The following ARHGAP21 variants were observed in gnomAD, a reference collection of about 807,000 sequenced individuals.
ARHGAP21 encodes the protein rho GTPase-activating protein 21.
ARHGAP21 carries 38 observed loss-of-function variants against 164.6 expected under a neutral mutation model. The observed-to-expected ratio is 0.23, with a 90% CI of 0.18 to 0.30. ARHGAP21 has a LOEUF of 0.30. ARHGAP21 is among the 10% of genes least tolerant of loss of function. The probability of loss-of-function intolerance (pLI) is 1.00; values close to 1 mark genes in which losing one functional copy is unlikely to be tolerated. For missense variants in ARHGAP21, 1,822 were observed against 2,370.7 expected (o/e 0.77, Z 4.81); for synonymous variants, 766 against 857.9 (o/e 0.89, Z 1.87).
intron 6 of ARHGAP21, 140 bp from the exon 7 acceptor site, chr10:24,630,190 C>T (rs988435472): frequency 1.1e-5 from 5 of 475,104 alleles, no homozygotes; most frequent in Admixed American, 4.0e-5. Context: ...TTTTTAAAAT[C>T]AAATCATTAG....
At chr10:24,696,514 T>C (rs1277609003) in intron 2 of ARHGAP21, among the ~76,000 whole-genome samples, 2 of 152,088 alleles carry the variant, frequency 1.3e-5, no homozygotes, top group Non-Finnish European at 2.9e-5. Context: ...TGTGCCTCTG[T>C]AGTGGGGCAG....
In ARHGAP21 at chr10:24,620,205, C is replaced by T. The variant is rs755102609; in HGVS notation, c.1690G>A (p.Val564Ile). ...RGSNFTVAPS[V>I]VNSDNRRMSG... The stretch of plus-strand genomic sequence containing the variant: ...ATTCGCCTGTTATCAGAATTAACAA[C>T]GCTTGGAGCCACAGTAAAATTGGAA... Residue 564 changes from valine (V) to isoleucine (I), a missense_variant, in exon 9 of 26, where the codon GTT becomes ATT. Physicochemically the swap from Val to Ile is conservative, Grantham distance 29. Transcript: ENST00000396432. 2.0e-5 allele frequency: 33 copies of T among 1,613,828 alleles called. 1 individual carries two copies. Among genetic ancestry groups the T allele is most frequent in the East Asian group, 8.9e-5 (4 of 44,892 alleles).
intron 4 of ARHGAP21, among the ~76,000 whole-genome samples, chr10:24,644,926 T>C (rs969116527): frequency 1.3e-5 from 2 of 152,210 alleles, no homozygotes; most frequent in African/African-American, 4.8e-5. Flanking sequence ...AATTTTCAGC[T>C]AGATACTGAA....
intron 12 of ARHGAP21, among the ~76,000 whole-genome samples, chr10:24,603,897 G>C (rs995128504): frequency 2.0e-5 from 3 of 152,168 alleles, no homozygotes; most frequent in Non-Finnish European, 4.4e-5. Flanking sequence ...TTGGGAGGCT[G>C]AGGCAGGAGA....
chr10:24,602,873 G>C (rs1261647806), intron 12 of ARHGAP21, among the ~76,000 whole-genome samples: 1 of 152,156 alleles, frequency 6.6e-6, no homozygotes, highest in Non-Finnish European at 1.5e-5. Context: ...TGATATGGGG[G>C]AAAGTGAAAA....
intron 4 of ARHGAP21, among the ~76,000 whole-genome samples, chr10:24,636,531 A>G (rs1836403530): frequency 6.6e-6 from 1 of 152,256 alleles, no homozygotes; most frequent in Admixed American, 6.5e-5. Flanking sequence ...ACTACTTGTT[A>G]AACAGCAATA....
rs199626057 is a variant in ARHGAP21, at chr10:24,608,274, T to TATC, written c.2423-374_2423-372dup. The stretch of plus-strand genomic sequence containing the variant: ...TTCAAATTTTAAATGTACCACAGAT[T>TATC]ATCACTTCAGGAAATTAAGGTGATT... On this transcript the variant is annotated intron_variant, in intron 9 of 25. Transcript: ENST00000396432. Among the ~76,000 whole-genome samples the TATC allele has an allele frequency of 9.2e-4, 140 of 152,298 alleles. 4 individuals are homozygous for TATC. The East Asian group carries it at 0.023, about 25-fold the overall frequency.
In ARHGAP21 at chr10:24,670,382, C is replaced by T. The variant is rs1330006261; in HGVS notation, c.79G>A (p.Asp27Asn). ...LKACEVSKNK[D>N]GKEQSETVSL... ...ACAGTTTCACTTTGTTCTTTTCCAT[C>T]TTTATTTTTTGAGACCTAAAGTGAA... The change falls in exon 3 of 26, where the codon GAT (aspartate) becomes AAT (asparagine). Residue 27 changes from aspartate to asparagine, a missense_variant. By Grantham distance (23) the Asp-to-Asn change is conservative. This residue lies in a region of ARHGAP21 where 1,090 missense variants were observed against 1,378.9 expected (regional missense o/e 0.79). Coordinates refer to ENST00000396432, the MANE Select transcript of ARHGAP21 (RefSeq NM_020824.4). 6.3e-7 allele frequency: 1 copy of T among 1,591,102 alleles called. No individual in the cohort carries two copies. Among genetic ancestry groups the T allele is most frequent in the African/African-American group, 1.3e-5 (1 of 74,236 alleles).
chr10:24,718,879 G>T (rs1845647797), intron 2 of ARHGAP21, among the ~76,000 whole-genome samples: 1 of 151,844 alleles, frequency 6.6e-6, no homozygotes, highest in South Asian at 2.1e-4. Flanking sequence ...GATAAAAAAT[G>T]AAATAAATGT....
In ARHGAP21 at chr10:24,607,405, CAT is replaced by C. The variant is rs1393940530; in HGVS notation, c.2684+92_2684+93del. 4.8e-6 allele frequency: 5 copies of C among 1,034,774 alleles called. No homozygotes were observed. In the African/African-American group the frequency reaches 8.1e-5, roughly 17 times the overall value. 64.1% of individuals were successfully genotyped at this position (1,034,774 alleles called of 1,614,324 possible). A position where few individuals can be genotyped will look rare whatever the true frequency, so the allele number is the denominator to read the frequency against. ...CATTTCTAATGTCAAAGTTAGAAAA[CAT>C]AAGACATCATTAAATTCTGAACTTA... On this transcript the variant is annotated intron_variant, in intron 11 of 25. Transcript: ENST00000396432.
chr10:24,704,289 CTT>C (rs201080039), intron 2 of ARHGAP21, among the ~76,000 whole-genome samples: 17 of 125,946 alleles, frequency 1.3e-4, no homozygotes, highest in East Asian at 2.2e-4. Context: ...TTTTTCTTTT[CTT>C]TTTTTTTTTT....
At chr10:24,618,268 G>A (rs888716112) in intron 9 of ARHGAP21, among the ~76,000 whole-genome samples, 16 of 152,156 alleles carry the variant, frequency 1.1e-4, no homozygotes, top group Non-Finnish European at 2.1e-4. Flanking sequence ...TACTTACTGA[G>A]TGAATTCTTT....
chr10:24,648,314 C>T (rs1466092676), intron 4 of ARHGAP21, among the ~76,000 whole-genome samples: 2 of 152,194 alleles, frequency 1.3e-5, no homozygotes, highest in Non-Finnish European at 2.9e-5. Flanking sequence ...TAGAATTTTC[C>T]AGTAGAGAAT....
At chr10:24,714,907 G>A (rs1470903916) in intron 2 of ARHGAP21, among the ~76,000 whole-genome samples, 1 of 151,914 alleles carries the variant, frequency 6.6e-6, no homozygotes, top group Non-Finnish European at 1.5e-5. Context: ...GCGGGCGCCT[G>A]TAGTCCCAGC....
chr10:24,607,437 T>G (rs2077074694), intron 11 of ARHGAP21, 62 bp downstream of exon 11: 5 of 1,371,492 alleles, frequency 3.6e-6, no homozygotes, highest in Non-Finnish European at 5.2e-6. Context: ...AACTTATGTG[T>G]CAAGGTCATG....
At chr10:24,656,516 T>C in intron 4 of ARHGAP21, among the ~76,000 whole-genome samples, 1 of 63,780 alleles carries the variant, frequency 1.6e-5, no homozygotes, top group South Asian at 6.6e-4. Context: ...GGGAGGGAGG[T>C]TGGGGGGTCA....
In ARHGAP21 at chr10:24,585,821, T is replaced by G; in HGVS notation, c.4468A>C (p.Lys1490Gln). ...GTGCTCTCTTTTCCTAGTGATATCT[T>G]TTCATCTTTTGTCGTGCTGGGGTCT... ...RKDPSTTKDE[K>Q]ISLGKESTPS... Residue 1490 changes from lysine to glutamine, a missense_variant, in exon 26 of 26, where the codon AAG becomes CAG. This residue lies in a region of ARHGAP21 where 333 missense variants were observed against 383.9 expected (regional missense o/e 0.87). Transcript: ENST00000396432. The G allele has an allele frequency of 6.2e-7, 1 of 1,613,926 alleles. No homozygotes were observed. Among genetic ancestry groups the G allele is most frequent in the Non-Finnish European group, 8.5e-7 (1 of 1,179,858 alleles).
intron 2 of ARHGAP21, among the ~76,000 whole-genome samples, chr10:24,685,583 A>C (rs1163352050): frequency 1.3e-5 from 2 of 152,218 alleles, no homozygotes; most frequent in African/African-American, 4.8e-5. Flanking sequence ...GTATTGATAG[A>C]ATTGTCTTCT....
chr10:24,625,681 C>A (rs995490472), intron 7 of ARHGAP21, among the ~76,000 whole-genome samples: 2 of 152,162 alleles, frequency 1.3e-5, no homozygotes, highest in African/African-American at 4.8e-5. Flanking sequence ...GGCCGGACCA[C>A]CTACATGTAC....
Sources: allele counts gnomAD v4.1 joint callset (sites outside exome capture counted in the v4.1 genomes callset), GRCh38; gene constraint gnomAD v4.1.1; regional missense constraint gnomAD v4.1.1; transcripts MANE v1.5; gene names NCBI Gene and HGNC (gene_info 2026-07-23, HGNC 2026-07-21).